FBXW11: variants seen among roughly 807,000 people sequenced by gnomAD.
The protein encoded by FBXW11 is F-box/WD repeat-containing protein 11.
In FBXW11, 19 loss-of-function variants were observed where a neutral mutation model predicts 77.6. The ratio of observed to expected loss-of-function variants is 0.24; its 90% CI spans 0.17 to 0.36. The LOEUF (loss-of-function observed/expected upper bound fraction) is 0.36, where lower values mean the gene tolerates loss of function less well. Ranked by LOEUF, FBXW11 falls within the 10% of genes least tolerant of loss-of-function variation. The pLI is 1.00. For missense variants in FBXW11, 334 were observed against 704.2 expected (o/e 0.47, Z 5.95); for synonymous variants, 235 against 249.4 (o/e 0.94, Z 0.54).
chr5:171,934,153 GAA>G lies in FBXW11; in HGVS notation c.148-19750_148-19749del, dbSNP rs1762357559. Among the ~76,000 whole-genome samples the G allele has an allele frequency of 2.0e-5, 3 of 152,178 alleles. No individual in the cohort carries two copies. The South Asian group carries it at 6.2e-4, about 31-fold the overall frequency. On this transcript the variant is annotated intron_variant, in intron 2 of 13. Coordinates refer to ENST00000517395, the MANE Select transcript of FBXW11 (RefSeq NM_001378974.1). ...CATACTGTTTTTGAGAAACCTGGTT[GAA>G]AAGAGCTACTGCAAACTGATTTAAA...
intron 2 of FBXW11, among the ~76,000 whole-genome samples, chr5:171,921,940 T>C (rs1386143385): frequency 1.3e-5 from 2 of 152,108 alleles, no homozygotes; most frequent in East Asian, 1.9e-4. Context: ...GGTCTTGCTA[T>C]GTTGCTCAAG....
At chr5:171,939,802 T>A (rs1323119267) in intron 2 of FBXW11, among the ~76,000 whole-genome samples, 2 of 151,976 alleles carry the variant, frequency 1.3e-5, no homozygotes, top group South Asian at 4.1e-4. Flanking sequence ...GCAAGGCGTG[T>A]CATCCCTCAG....
chr5:171,914,821 A>G (rs780605921), intron 2 of FBXW11, among the ~76,000 whole-genome samples: 16 of 152,316 alleles, frequency 1.1e-4, no homozygotes, highest in Middle Eastern at 6.8e-3. Context: ...CGCAATTAGA[A>G]GTAGCAAAGC....
At chr5:171,905,501 A>AG in intron 4 of FBXW11, among the ~76,000 whole-genome samples, 1 of 152,176 alleles carries the variant, frequency 6.6e-6, no homozygotes, top group South Asian at 2.1e-4. Context: ...TCCTCTCAGC[A>AG]GATATCAATG....
chr5:171,906,721 C>T (rs1760551388), intron 4 of FBXW11, among the ~76,000 whole-genome samples: 2 of 152,322 alleles, frequency 1.3e-5, no homozygotes, highest in South Asian at 4.1e-4. Context: ...AGTGGGACCA[C>T]ACAGCTGTAA....
In FBXW11 at chr5:171,862,229, A is replaced by G. The variant is rs1277236223; in HGVS notation, c.*1898T>C. 1.3e-5 allele frequency: 2 copies of G among 152,584 alleles called. No individual in the cohort carries two copies. 9.5% of individuals were successfully genotyped at this position (152,584 alleles called of 1,614,324 possible). ...CTTTCACAACCACCATCAAGCTTAC[A>G]ACATCCACCTTATGAATGGAGGTTT... On this transcript the variant is annotated 3_prime_UTR_variant, in exon 14 of 14. Coordinates refer to ENST00000517395, the MANE Select transcript of FBXW11 (RefSeq NM_001378974.1).
chr5:171,880,429 T>C (rs1418733299), intron 7 of FBXW11, among the ~76,000 whole-genome samples: 1 of 152,170 alleles, frequency 6.6e-6, no homozygotes, highest in African/African-American at 2.4e-5. Context: ...TGCTTGTCCA[T>C]ATAAACATTA....
At chr5:171,980,064 A>G (rs1227008478) in intron 1 of FBXW11, among the ~76,000 whole-genome samples, 2 of 152,254 alleles carry the variant, frequency 1.3e-5, no homozygotes, top group African/African-American at 4.8e-5. Context: ...GCTATGACCT[A>G]ATGCTTGCTT....
intron 9 of FBXW11, among the ~76,000 whole-genome samples, chr5:171,875,857 A>G (rs1758045795): frequency 6.6e-6 from 1 of 152,168 alleles, no homozygotes; most frequent in Admixed American, 6.5e-5. Flanking sequence ...TTAGGTGAAT[A>G]AATAAAACAT....
At chr5:171,930,634 A>G (rs1762117580) in intron 2 of FBXW11, among the ~76,000 whole-genome samples, 1 of 151,844 alleles carries the variant, frequency 6.6e-6, no homozygotes, top group Admixed American at 6.6e-5. Flanking sequence ...ACCTTTGTTC[A>G]CTTGTTTATC....
chr5:171,935,256 C>T (rs983241202), intron 2 of FBXW11, among the ~76,000 whole-genome samples: 1 of 152,126 alleles, frequency 6.6e-6, no homozygotes, highest in Non-Finnish European at 1.5e-5. Context: ...CGCGCCCAGC[C>T]GGTAGCGTGT....
intron 3 of FBXW11, among the ~76,000 whole-genome samples, chr5:171,912,709 C>T (rs574935284): frequency 2.0e-5 from 3 of 152,032 alleles, no homozygotes; most frequent in Non-Finnish European, 4.4e-5. Flanking sequence ...GAGTTCGAGA[C>T]CACTCTGGCC....
At chr5:171,949,329 T>C (rs978070772) in intron 2 of FBXW11, among the ~76,000 whole-genome samples, 4 of 152,018 alleles carry the variant, frequency 2.6e-5, no homozygotes, top group Non-Finnish European at 5.9e-5. Flanking sequence ...AAACACTAGA[T>C]CAGTAAATAG....
intron 2 of FBXW11, among the ~76,000 whole-genome samples, chr5:171,915,611 T>TTGTGTGTGTGTGTG (rs1436748178): frequency 4.3e-5 from 1 of 23,402 alleles, no homozygotes; most frequent in Non-Finnish European, 1.7e-4. Context: ...TGGTCACTCA[T>TTGTGTGTGTGTGTG]TCTGTGTGTG....
intron 1 of FBXW11, among the ~76,000 whole-genome samples, chr5:171,994,521 A>G (rs1009822397): frequency 3.3e-5 from 5 of 152,242 alleles, no homozygotes; most frequent in Admixed American, 1.3e-4. Context: ...TATACAGCAA[A>G]TATTTGAAAA....
chr5:171,995,000 A>G (rs935617420), intron 1 of FBXW11, among the ~76,000 whole-genome samples: 13 of 152,200 alleles, frequency 8.5e-5, no homozygotes, highest in African/African-American at 3.1e-4. Flanking sequence ...ATCTCACCAG[A>G]GGAGAAATAT....
intron 1 of FBXW11, chr5:171,996,922 T>A: frequency 7.8e-7 from 1 of 1,289,630 alleles, no homozygotes; most frequent in Non-Finnish European, 1.0e-6. Context: ...GATCCACCAA[T>A]CCAGAATGAA....
intron 1 of FBXW11, among the ~76,000 whole-genome samples, chr5:171,966,978 T>G (rs1451932651): frequency 6.6e-6 from 1 of 152,198 alleles, no homozygotes; most frequent in Non-Finnish European, 1.5e-5. Flanking sequence ...AGGTCAAGAA[T>G]GGCAAAACTG....
intron 1 of FBXW11, among the ~76,000 whole-genome samples, chr5:171,984,810 C>A (rs1765349312): frequency 6.6e-6 from 1 of 152,110 alleles, no homozygotes; most frequent in Non-Finnish European, 1.5e-5. Context: ...ACTTTATGCA[C>A]AATTTTCAAA....
Sources: gnomAD v4.1 joint callset for allele counts (sites outside exome capture counted in the v4.1 genomes callset) on GRCh38, gnomAD v4.1.1 for gene constraint, MANE v1.5 for transcripts, NCBI Gene and HGNC (gene_info 2026-07-23, HGNC 2026-07-21) for gene names.